The following KRTAP4-12 variants were observed in gnomAD, a reference collection of about 807,000 sequenced individuals.
KRTAP4-12 encodes keratin associated protein 4-12.
KRTAP4-12 carries 1 observed loss-of-function variant against 0.9 expected under a neutral mutation model. That is an observed-to-expected ratio of 1.11 (90% CI 0.40 to 5.29). The LOEUF is 5.29. Ranked by LOEUF, KRTAP4-12 falls within the 30% of genes most tolerant of loss-of-function variation. The pLI is 0.16. For missense variants in KRTAP4-12, 240 were observed against 265.6 expected (o/e 0.90, Z 0.67); for synonymous variants, 85 against 94.0 (o/e 0.90, Z 0.55).
In KRTAP4-12 at chr17:41,123,899, C is replaced by T. The variant is rs200011829; in HGVS notation, c.224G>A (p.Cys75Tyr). ...CCQTTCCRTT[C>Y]CRPSCCVSSC... ...GGACACACAGCAGCTGGGGCGGCAG[C>T]AGGTGGTCCTACAGCAGGTGGTCTG... Residue 75 changes from cysteine to tyrosine, a missense_variant, in exon 1 of 1, where the codon TGC (cysteine) becomes TAC (tyrosine). Coordinates refer to ENST00000394014, the MANE Select transcript of KRTAP4-12 (RefSeq NM_031854.3). The T allele has an allele frequency of 5.0e-4, 776 of 1,564,752 alleles. 3 individuals carry two copies. The highest frequency in any genetic ancestry group is 6.9e-4 in the Middle Eastern group (4 of 5,836).
Position 41,123,682 on chromosome 17 carries a change from G to T in KRTAP4-12, c.441C>A (p.Ile147=). Residue 147 remains isoleucine, a synonymous_variant, in exon 1 of 1, where the codon ATC becomes ATA. Coordinates refer to ENST00000394014, the MANE Select transcript of KRTAP4-12 (RefSeq NM_031854.3). ...QPTCCRPSCC[I]SSSCCPSCCE... is the part of the protein sequence containing the mutation. The stretch of plus-strand genomic sequence containing the variant: ...AGCAAGAGGGGCAGCAGCTGCTGGA[G>T]ATGCAGCAGCTGGGGCGGCAGCAGG... The T allele has an allele frequency of 6.2e-7, 1 of 1,613,502 alleles. No homozygotes were observed. Among genetic ancestry groups the T allele is most frequent in the Non-Finnish European group, 8.5e-7 (1 of 1,179,968 alleles).
At position 41,123,907 on chromosome 17, in the gene KRTAP4-12, C is replaced by T. The variant is rs755183508; in HGVS notation, c.216G>A (p.Arg72=). The change falls in exon 1 of 1, where the codon AGG becomes AGA. Residue 72 remains arginine (R), a synonymous_variant. Coordinates refer to ENST00000394014, the MANE Select transcript of KRTAP4-12 (RefSeq NM_031854.3). The part of the protein sequence containing the change: ...RPSCCQTTCC[R]TTCCRPSCCV... Reference sequence around the variant, plus strand: ...AGCAGCTGGGGCGGCAGCAGGTGGTCCTACAGCAGGTGGTCTGACAGCAGC... The same window carrying T: ...AGCAGCTGGGGCGGCAGCAGGTGGTTCTACAGCAGGTGGTCTGACAGCAGC... 32 of 1,563,122 alleles carry T rather than the reference C, an allele frequency of 2.0e-5. 2 individuals carry two copies. In the Admixed American group the frequency reaches 5.3e-4, roughly 26 times the overall value.
At position 41,123,383 on chromosome 17, in the gene KRTAP4-12, A is replaced by G. The variant is rs1269063352; in HGVS notation, c.*134T>C. 1.3e-5 allele frequency: 18 copies of G among 1,430,246 alleles called. No homozygotes were observed. Among genetic ancestry groups the G allele is most frequent in the Non-Finnish European group, 1.5e-5 (16 of 1,080,288 alleles). 88.6% of individuals were successfully genotyped at this position (1,430,246 alleles called of 1,614,324 possible). On this transcript the variant is annotated 3_prime_UTR_variant, in exon 1 of 1. Transcript: ENST00000394014. ...AGTTTGGACAAAAGGTAGAATGCAA[A>G]TACAGAATTTCTAAGGATGAGGTTT...
rs746104938 is a variant in KRTAP4-12, at chr17:41,123,685, G to A, written c.438C>T (p.Cys146=). The change falls in exon 1 of 1, where the codon TGC becomes TGT. Residue 146 remains cysteine (C), a synonymous_variant. Transcript: ENST00000394014. ...AAGAGGGGCAGCAGCTGCTGGAGAT[G>A]CAGCAGCTGGGGCGGCAGCAGGTGG... ...CQPTCCRPSC[C]ISSSCCPSCC... is the part of the protein sequence containing the mutation. 4 of 1,613,344 alleles carry A rather than the reference G, an allele frequency of 2.5e-6. No homozygotes were observed. The African/African-American group carries it at 5.4e-5, about 22-fold the overall frequency.
chr17:41,123,845 G>A lies in KRTAP4-12; in HGVS notation c.278C>T (p.Ser93Phe). 6.2e-7 allele frequency: 1 copy of A among 1,611,588 alleles called. No individual in the cohort carries two copies. The highest frequency in any genetic ancestry group is 1.1e-5 in the South Asian group (1 of 90,870). Residue 93 changes from serine (S) to phenylalanine (F), a missense_variant, in exon 1 of 1, where the codon TCT becomes TTT. Transcript: ENST00000394014. ...GCAGCAGGTGGGCTGGCAGCACACA[G>A]ACTGGCAGCACTGGGGTCTGCAGCA... ...SSCCRPQCCQ[S>F]VCCQPTCCRP... is the part of the protein sequence containing the mutation.
chr17:41,123,417 G>C lies in KRTAP4-12; in HGVS notation c.*100C>G, dbSNP rs1010040470. On this transcript the variant is annotated 3_prime_UTR_variant, in exon 1 of 1. Transcript: ENST00000394014. Reference sequence around the variant, plus strand: ...TTCTAAGGATGAGGTTTGCTTATGGGACCCAGATCAATTCTCTTGAACAGT... The same window carrying C: ...TTCTAAGGATGAGGTTTGCTTATGGCACCCAGATCAATTCTCTTGAACAGT... 6.8e-7 allele frequency: 1 copy of C among 1,467,384 alleles called. No individual in the cohort carries two copies. Among genetic ancestry groups the C allele is most frequent in the Non-Finnish European group, 9.0e-7 (1 of 1,105,874 alleles). The allele number at this position is 1,467,384 out of a possible 1,614,324, so 90.9% of individuals were successfully genotyped here. A position where few individuals can be genotyped will look rare whatever the true frequency, so the allele number is the denominator to read the frequency against.
rs1371325302 is a variant in KRTAP4-12 at position 41,123,532 on chromosome 17, G to A, written c.591C>T (p.Ala197=). Residue 197 remains alanine (A), a synonymous_variant, in exon 1 of 1, where the codon GCC becomes GCT. Transcript: ENST00000394014. The stretch of plus-strand genomic sequence containing the variant: ...CAGCAGAGATTTAGCAGCAAGAGGA[G>A]GCACAGCACAAGGGGCGGGGGCAGG... The part of the protein sequence containing the change: ...ISTCPRPLCC[A]SSCC 2.5e-6 allele frequency: 4 copies of A among 1,612,462 alleles called. No homozygotes were observed. Among genetic ancestry groups the A allele is most frequent in the East Asian group, 4.5e-5 (2 of 44,850 alleles).
Position 41,123,696 on chromosome 17 carries a change from G to A in KRTAP4-12, c.427C>T (p.Pro143Ser), listed in dbSNP as rs1394604776. The change falls in exon 1 of 1, where the codon CCC (proline) becomes TCC (serine). Residue 143 changes from proline (P) to serine (S), a missense_variant. By Grantham distance (74) the Pro-to-Ser change is moderately conservative. Transcript: ENST00000394014. ...CAGCTGCTGGAGATGCAGCAGCTGG[G>A]GCGGCAGCAGGTGGGCTGGCAGCAC... ...SVCCQPTCCRPSCCISSSCCP... is the reference protein window; with the variant it reads ...SVCCQPTCCRSSCCISSSCCP... The A allele has an allele frequency of 1.2e-6, 2 of 1,612,926 alleles. No individual in the cohort carries two copies. Among genetic ancestry groups the A allele is most frequent in the Admixed American group, 1.7e-5 (1 of 59,842 alleles).
chr17:41,123,898 G>A lies in KRTAP4-12; in HGVS notation c.225C>T (p.Cys75=), dbSNP rs1178465505. ...TGGACACACAGCAGCTGGGGCGGCA[G>A]CAGGTGGTCCTACAGCAGGTGGTCT... is the stretch of plus-strand genomic sequence containing the variant. The part of the protein sequence containing the change: ...CCQTTCCRTT[C]CRPSCCVSSC... Residue 75 remains cysteine (C), a synonymous_variant, in exon 1 of 1, where the codon TGC becomes TGT. Coordinates refer to ENST00000394014, the MANE Select transcript of KRTAP4-12 (RefSeq NM_031854.3). 1 of 1,566,870 alleles carries A rather than the reference G, an allele frequency of 6.4e-7. No individual in the cohort carries two copies. Among genetic ancestry groups the A allele is most frequent in the South Asian group, 1.1e-5 (1 of 89,266 alleles).
In KRTAP4-12 at chr17:41,123,528, A is replaced by C. The variant is rs2014440685; in HGVS notation, c.595T>G (p.Ser199Ala). The C allele has an allele frequency of 3.7e-6, 6 of 1,612,090 alleles. No individual in the cohort carries two copies. Among genetic ancestry groups the C allele is most frequent in the Non-Finnish European group, 4.2e-6 (5 of 1,179,094 alleles). The stretch of plus-strand genomic sequence containing the variant: ...TTCACAGCAGAGATTTAGCAGCAAG[A>C]GGAGGCACAGCACAAGGGGCGGGGG... ...TCPRPLCCAS[S>A]CC is the part of the protein sequence containing the mutation. The change falls in exon 1 of 1, where the codon TCT (serine) becomes GCT (alanine). Residue 199 changes from serine to alanine, a missense_variant. Coordinates refer to ENST00000394014, the MANE Select transcript of KRTAP4-12 (RefSeq NM_031854.3).
chr17:41,123,278 G>C lies in KRTAP4-12; in HGVS notation c.*239C>G, dbSNP rs191235389. ...AGGCATGATGAATAAATGTCCTGAA[G>C]TCAAAGAGGTGGGAGGATGTTGGAG... On this transcript the variant is annotated 3_prime_UTR_variant, in exon 1 of 1. Transcript: ENST00000394014. 1.2e-4 allele frequency: 93 copies of C among 792,026 alleles called. No homozygotes were observed. In the Middle Eastern group the frequency reaches 2.3e-3, roughly 19 times the overall value. The allele number at this position is 792,026 out of a possible 1,614,324, so 49.1% of individuals were successfully genotyped here.
In KRTAP4-12 at chr17:41,124,068, T is replaced by C; in HGVS notation, c.55A>G (p.Asn19Asp). The change falls in exon 1 of 1, where the codon AAC (asparagine) becomes GAC (aspartate). Residue 19 changes from asparagine to aspartate, a missense_variant. By Grantham distance (23) the Asn-to-Asp change is conservative (BLOSUM62 1). Transcript: ENST00000394014. Reference sequence around the variant, plus strand: ...TGGCAGCAGCTGGGGCGGCAGCAGTTCTCCAGGCCACAGCCCTGGTCAGAG... The same window carrying C: ...TGGCAGCAGCTGGGGCGGCAGCAGTCCTCCAGGCCACAGCCCTGGTCAGAG... ...VCSDQGCGLE[N>D]CCRPSCCQTT... The C allele has an allele frequency of 1.2e-6, 2 of 1,613,470 alleles. No homozygotes were observed. The highest frequency in any genetic ancestry group is 1.1e-5 in the South Asian group (1 of 91,046).
rs752642544 is a variant in KRTAP4-12, at chr17:41,123,740, G to C, written c.383C>G (p.Pro128Arg). The C allele has an allele frequency of 6.2e-7, 1 of 1,613,330 alleles. No homozygotes were observed. Among genetic ancestry groups the C allele is most frequent in the East Asian group, 2.2e-5 (1 of 44,824 alleles). The stretch of plus-strand genomic sequence containing the variant: ...GCAGCACACAGACTGGCAGCACTGG[G>C]GTCTGCAGCAGCTGGACACACAGCA... ...PSCCVSSCCR[P>R]QCCQSVCCQP... The change falls in exon 1 of 1, where the codon CCC becomes CGC. Residue 128 changes from proline to arginine, a missense_variant. By Grantham distance (103) the Pro-to-Arg change is moderately radical. Transcript: ENST00000394014.
rs1381799324 is a variant in KRTAP4-12, at chr17:41,123,378, T to G, written c.*139A>C. On this transcript the variant is annotated 3_prime_UTR_variant, in exon 1 of 1. Transcript: ENST00000394014. ...AAGGGAGTTTGGACAAAAGGTAGAA[T>G]GCAAATACAGAATTTCTAAGGATGA... 21 of 1,418,816 alleles carry G rather than the reference T, an allele frequency of 1.5e-5. No homozygotes were observed. The highest frequency in any genetic ancestry group is 1.9e-5 in the Non-Finnish European group (20 of 1,070,220). The allele number at this position is 1,418,816 out of a possible 1,614,324, so 87.9% of individuals were successfully genotyped here. A position where few individuals can be genotyped will look rare whatever the true frequency, so the allele number is the denominator to read the frequency against.
chr17:41,123,630 A>G lies in KRTAP4-12; in HGVS notation c.493T>C (p.Cys165Arg). ...CCESSCCRPC[C>R]CLRPVCGRVS... ...CGGCCACAGACTGGACGCAGGCAGC[A>G]GCAGGGGCGGCAGCAGCTGGATTCA... The change falls in exon 1 of 1, where the codon TGC (cysteine) becomes CGC (arginine). Residue 165 changes from cysteine (C) to arginine (R), a missense_variant. Physicochemically the swap from Cys to Arg is radical, Grantham distance 180. Transcript: ENST00000394014. 6.2e-7 allele frequency: 1 copy of G among 1,613,804 alleles called. No homozygotes were observed. The highest frequency in any genetic ancestry group is 8.5e-7 in the Non-Finnish European group (1 of 1,179,942).
In KRTAP4-12 at chr17:41,123,259, G is replaced by T; in HGVS notation, c.*258C>A. The T allele has an allele frequency of 1.4e-6, 1 of 703,108 alleles. No homozygotes were observed. Among genetic ancestry groups the T allele is most frequent in the Non-Finnish European group, 2.3e-6 (1 of 434,338 alleles). 43.6% of individuals were successfully genotyped at this position (703,108 alleles called of 1,614,324 possible). On this transcript the variant is annotated 3_prime_UTR_variant, in exon 1 of 1. Transcript: ENST00000394014. Reference sequence around the variant, plus strand: ...GGCAATCTTCAAATTCCTTAGGCATGATGAATAAATGTCCTGAAGTCAAAG... The same window carrying T: ...GGCAATCTTCAAATTCCTTAGGCATTATGAATAAATGTCCTGAAGTCAAAG...
Position 41,123,512 on chromosome 17 carries a change from G to A in KRTAP4-12, c.*5C>T. ...ATAAGGAAGTGGTGTGTTCACAGCA[G>A]AGATTTAGCAGCAAGAGGAGGCACA... is the stretch of plus-strand genomic sequence containing the variant. On this transcript the variant is annotated 3_prime_UTR_variant, in exon 1 of 1. Coordinates refer to ENST00000394014, the MANE Select transcript of KRTAP4-12 (RefSeq NM_031854.3). 6.2e-7 allele frequency: 1 copy of A among 1,609,978 alleles called. No individual in the cohort carries two copies. The highest frequency in any genetic ancestry group is 1.1e-5 in the South Asian group (1 of 90,250).
At position 41,124,067 on chromosome 17, in the gene KRTAP4-12, T is replaced by G. The variant is rs1463753695; in HGVS notation, c.56A>C (p.Asn19Thr). The G allele has an allele frequency of 4.3e-6, 7 of 1,612,552 alleles. No individual in the cohort carries two copies. In the Admixed American group the frequency reaches 1.2e-4, roughly 27 times the overall value. ...CTGGCAGCAGCTGGGGCGGCAGCAG[T>G]TCTCCAGGCCACAGCCCTGGTCAGA... ...VCSDQGCGLE[N>T]CCRPSCCQTT... The change falls in exon 1 of 1, where the codon AAC (asparagine) becomes ACC (threonine). Residue 19 changes from asparagine (N) to threonine (T), a missense_variant. By Grantham distance (65) the Asn-to-Thr change is moderately conservative. Transcript: ENST00000394014.
In KRTAP4-12 at chr17:41,123,484, G is replaced by A. The variant is rs1449256085; in HGVS notation, c.*33C>T. 1.1e-5 allele frequency: 18 copies of A among 1,583,200 alleles called. No homozygotes were observed. The highest frequency in any genetic ancestry group is 5.4e-5 in the Admixed American group (3 of 55,762). On this transcript the variant is annotated 3_prime_UTR_variant, in exon 1 of 1. Transcript: ENST00000394014. ...AGAGCCTTCATCTGTAGGAAAGGAC[G>A]TAATAAGGAAGTGGTGTGTTCACAG... is the stretch of plus-strand genomic sequence containing the variant.
Sources: allele counts gnomAD v4.1 joint callset, GRCh38; gene constraint gnomAD v4.1.1; transcripts MANE v1.5; gene names NCBI Gene and HGNC (gene_info 2026-07-23, HGNC 2026-07-21).